MAP3K8: variants seen among roughly 807,000 people sequenced by gnomAD.
MAP3K8 encodes Ewing sarcoma transformant.
Under a neutral mutation model 45.8 loss-of-function variants are expected in MAP3K8, and 22 were observed. That is an observed-to-expected ratio of 0.48 (90% CI 0.34 to 0.69). The LOEUF (loss-of-function observed/expected upper bound fraction) is 0.69, where lower values mean the gene tolerates loss of function less well. Ranked by LOEUF, MAP3K8 falls within the 30% of genes least tolerant of loss-of-function variation. The pLI is 0.01. For missense variants in MAP3K8, 419 were observed against 585.0 expected (o/e 0.72, Z 2.93); for synonymous variants, 223 against 214.3 (o/e 1.04, Z -0.36).
At chr10:30,451,823 C>G (rs944056598) in intron 6 of MAP3K8, 79 bp downstream of exon 6, 1 of 790,620 alleles carries the variant, frequency 1.3e-6, no homozygotes, top group East Asian at 2.7e-5. Flanking sequence ...ATTGTGGGAA[C>G]GAAGGACAAA....
chr10:30,457,178 C>T (rs1205133631), intron 6 of MAP3K8, among the ~76,000 whole-genome samples: 2 of 151,920 alleles, frequency 1.3e-5, no homozygotes, highest in Non-Finnish European at 2.9e-5. Flanking sequence ...AATAAATGCT[C>T]GTTAGAGAAA....
intron 5 of MAP3K8, 41 bp from the exon 6 acceptor site, chr10:30,451,597 T>C (rs112249809): frequency 2.8e-6 from 3 of 1,089,260 alleles, no homozygotes; most frequent in Non-Finnish European, 1.4e-6. Flanking sequence ...CTTATGGGTA[T>C]ATAAAAAATT....
intron 3 of MAP3K8, among the ~76,000 whole-genome samples, chr10:30,445,845 C>A (rs1002344879): frequency 6.6e-6 from 1 of 152,176 alleles, no homozygotes; most frequent in African/African-American, 2.4e-5. Flanking sequence ...TATTCCCTGA[C>A]TAATAGTGAA....
rs755873862 is a variant in MAP3K8, at chr10:30,439,055, A to G, written c.117A>G (p.Pro39=). The G allele has an allele frequency of 5.6e-6, 9 of 1,614,214 alleles. No homozygotes were observed. Among genetic ancestry groups the G allele is most frequent in the South Asian group, 2.2e-5 (2 of 91,090 alleles). The change falls in exon 3 of 9, where the codon CCA becomes CCG. Residue 39 remains proline, a synonymous_variant. Transcript: ENST00000263056. ...IMENLYASEE[P]AVYEPSLMTM... is the part of the protein sequence containing the mutation. Reference sequence around the variant, plus strand: ...AAAATCTTTATGCAAGTGAAGAGCCAGCAGTTTATGAACCCAGTCTAATGA... The same window carrying G: ...AAAATCTTTATGCAAGTGAAGAGCCGGCAGTTTATGAACCCAGTCTAATGA...
intron 3 of MAP3K8, among the ~76,000 whole-genome samples, chr10:30,444,895 C>T (rs1836259896): frequency 6.6e-6 from 1 of 152,132 alleles, no homozygotes; most frequent in African/African-American, 2.4e-5. Flanking sequence ...AATCCTAATG[C>T]CAGCACTAAC....
chr10:30,439,337 A>G (rs1279496767), intron 3 of MAP3K8, 63 bp downstream of exon 3: 1 of 1,594,980 alleles, frequency 6.3e-7, no homozygotes, highest in Non-Finnish European at 8.6e-7. Context: ...GCTTCATTTA[A>G]TGCAGAGTGG....
rs5784199 is a variant in MAP3K8, at chr10:30,446,534, C to CAAAAAAA, written c.337-1237_337-1231dup. Among the ~76,000 whole-genome samples the CAAAAAAA allele has an allele frequency of 2.2e-4, 20 of 89,248 alleles. 1 individual carries two copies. The highest frequency in any genetic ancestry group is 5.9e-4 in the African/African-American group (15 of 25,258). 58.6% of individuals were successfully genotyped at this position (89,248 alleles called of 152,430 possible). ...TAGGCAACAGAGCAAGACTCCATCTCAAAAAAAAAAAAAAAAAGAAGAAGA... is the reference window on the plus strand; with the variant it reads ...TAGGCAACAGAGCAAGACTCCATCTCAAAAAAAAAAAAAAAAAAAAAAAAGAAGAAGA... On this transcript the variant is annotated intron_variant, in intron 3 of 8. Coordinates refer to ENST00000263056, the MANE Select transcript of MAP3K8 (RefSeq NM_005204.4).
chr10:30,435,314 C>T (rs1835876584), intron 1 of MAP3K8, among the ~76,000 whole-genome samples: 1 of 152,178 alleles, frequency 6.6e-6, no homozygotes, highest in African/African-American at 2.4e-5. Context: ...GCCCCCAGCT[C>T]TCTGCGACGG....
chr10:30,457,548 A>C (rs1388770171), intron 6 of MAP3K8, among the ~76,000 whole-genome samples: 4 of 152,240 alleles, frequency 2.6e-5, no homozygotes, highest in African/African-American at 7.2e-5. Context: ...ACACCTGATC[A>C]GTGTACTGCA....
At chr10:30,450,612 T>A in intron 5 of MAP3K8, 93 bp downstream of exon 5, 1 of 1,191,400 alleles carries the variant, frequency 8.4e-7, no homozygotes, top group Non-Finnish European at 1.2e-6. Flanking sequence ...AGACCCTCCA[T>A]GGAGGGTGGA....
At chr10:30,457,919 C>G (rs1461575552) in intron 6 of MAP3K8, among the ~76,000 whole-genome samples, 165 bp from the exon 7 acceptor site, 1 of 152,168 alleles carries the variant, frequency 6.6e-6, no homozygotes, top group Non-Finnish European at 1.5e-5. Context: ...TGTTCTTCAT[C>G]AGACTGCAGG....
chr10:30,446,590 A>G (rs2132803964), intron 3 of MAP3K8, among the ~76,000 whole-genome samples: 2 of 152,084 alleles, frequency 1.3e-5, no homozygotes, highest in East Asian at 3.9e-4. Context: ...ATTCAGAATC[A>G]GAAGCCATAA....
At position 30,439,085 on chromosome 10, in the gene MAP3K8, G is replaced by T; in HGVS notation, c.147G>T (p.Met49Ile). 1.2e-6 allele frequency: 2 copies of T among 1,614,208 alleles called. No individual in the cohort carries two copies. Among genetic ancestry groups the T allele is most frequent in the Non-Finnish European group, 1.7e-6 (2 of 1,180,036 alleles). Residue 49 changes from methionine to isoleucine, a missense_variant, in exon 3 of 9, where the codon ATG becomes ATT. By Grantham distance (10) the Met-to-Ile change is conservative. This residue lies in a region of MAP3K8 where 102 missense variants were observed against 93.5 expected (regional missense o/e 1.09). Transcript: ENST00000263056. ...TTTATGAACCCAGTCTAATGACCAT[G>T]TGTCAAGACAGTAATCAAAACGATG... Reference protein sequence around the residue: ...PAVYEPSLMTMCQDSNQNDER... With the variant: ...PAVYEPSLMTICQDSNQNDER...
In MAP3K8 at chr10:30,459,278, G is replaced by C. The variant is rs1836850782; in HGVS notation, c.1050G>C (p.Leu350=). 1 of 1,614,038 alleles carries C rather than the reference G, an allele frequency of 6.2e-7. No homozygotes were observed. The highest frequency in any genetic ancestry group is 1.1e-5 in the South Asian group (1 of 91,076). ...LYIIHKQAPP[L]EDIADDCSPG... ...AGATCCACAAGCAAGCACCTCCACT[G>C]GAAGACATTGCAGATGACTGCAGTC... The change falls in exon 8 of 9, where the codon CTG becomes CTC. Residue 350 remains leucine, a synonymous_variant. Coordinates refer to ENST00000263056, the MANE Select transcript of MAP3K8 (RefSeq NM_005204.4).
At chr10:30,438,735 C>T (rs1835993982) in intron 2 of MAP3K8, 181 bp from the exon 3 acceptor site, 1 of 509,552 alleles carries the variant, frequency 2.0e-6, no homozygotes, top group Non-Finnish European at 3.5e-6. Context: ...TAAAGGTTAT[C>T]TTAGGTCCCT....
In MAP3K8 at chr10:30,452,842, ATT is replaced by A. The variant is rs34295067; in HGVS notation, c.873+1111_873+1112del. 4.1e-3 allele frequency among the ~76,000 whole-genome samples: 594 copies of A among 145,960 alleles called. 3 individuals carry two copies. The highest frequency in any genetic ancestry group is 0.021 in the Middle Eastern group (6 of 290). ...AGGCATGTGCCACCACATCCAGCTA[ATT>A]TTTTTTTTTTTTCAGTAGAGATGCA... On this transcript the variant is annotated intron_variant, in intron 6 of 8. Coordinates refer to ENST00000263056, the MANE Select transcript of MAP3K8 (RefSeq NM_005204.4).
In MAP3K8 at chr10:30,447,844, G is replaced by A. The variant is rs1337976840; in HGVS notation, c.399G>A (p.Lys133=). The change falls in exon 4 of 9, where the codon AAG becomes AAA. Residue 133 remains lysine, a synonymous_variant. Transcript: ENST00000263056. The stretch of plus-strand genomic sequence containing the variant: ...CCGATGTTCTCCTGATCCCCTGGAA[G>A]CTGACTTACAGGAATATTGGTTCTG... ...IDSDVLLIPW[K]LTYRNIGSDF... 1 of 1,613,972 alleles carries A rather than the reference G, an allele frequency of 6.2e-7. No individual in the cohort carries two copies. The highest frequency in any genetic ancestry group is 1.7e-5 in the Admixed American group (1 of 59,990).
intron 5 of MAP3K8, among the ~76,000 whole-genome samples, chr10:30,451,276 T>G (rs1369368838): frequency 6.6e-6 from 1 of 152,148 alleles, no homozygotes; most frequent in African/African-American, 2.4e-5. Context: ...TAATAGCCAG[T>G]ACTAAATTAG....
At position 30,459,121 on chromosome 10, in the gene MAP3K8, A is replaced by G. The variant is rs1052090993; in HGVS notation, c.1027-134A>G. 10 of 891,668 alleles carry G rather than the reference A, an allele frequency of 1.1e-5. No individual in the cohort carries two copies. The African/African-American group carries it at 1.3e-4, about 12-fold the overall frequency. The allele number at this position is 891,668 out of a possible 1,614,324, so 55.2% of individuals were successfully genotyped here. Reference sequence around the variant, plus strand: ...AAATTAAAGGGAAGCTTGCTTGCTTAAGGGCTGAACTGCATTCGTTGCAGG... The same window carrying G: ...AAATTAAAGGGAAGCTTGCTTGCTTGAGGGCTGAACTGCATTCGTTGCAGG... On this transcript the variant is annotated intron_variant, in intron 7 of 8. Coordinates refer to ENST00000263056, the MANE Select transcript of MAP3K8 (RefSeq NM_005204.4).
Sources: gnomAD v4.1 joint callset for allele counts (sites outside exome capture counted in the v4.1 genomes callset) on GRCh38, gnomAD v4.1.1 for gene constraint, gnomAD v4.1.1 regional missense constraint, MANE v1.5 for transcripts, NCBI Gene and HGNC (gene_info 2026-07-23, HGNC 2026-07-21) for gene names.